Variants in HEATR6 observed in about 807,000 individuals in gnomAD.
HEATR6 encodes the protein HEAT repeat containing 6.
In HEATR6, 106 loss-of-function variants were observed where a neutral mutation model predicts 132.8. The ratio of observed to expected loss-of-function variants is 0.80; its 90% CI spans 0.68 to 0.94. HEATR6 has a LOEUF of 0.94. HEATR6 is among the 40% of genes least tolerant of loss of function. The pLI, the probability that HEATR6 is intolerant of heterozygous loss-of-function variation, is 0.00. For missense variants in HEATR6, 1,339 were observed against 1,425.1 expected, an observed-to-expected ratio of 0.94 and a Z score of 0.97; for synonymous variants, 529 against 537.8, an observed-to-expected ratio of 0.98 and a Z score of 0.23.
At chr17:60,047,582 T>C (rs1271236415) in intron 17 of HEATR6, among the ~76,000 whole-genome samples, 177 bp from the exon 18 acceptor site, 2 of 144,286 alleles carry the variant, frequency 1.4e-5, no homozygotes, top group African/African-American at 5.7e-5. Context: ...GTTCCCCACA[T>C]AGGAATGTCT....
rs1357990103 is a variant in HEATR6 at position 60,057,236 on chromosome 17, G to C, written c.1891C>G (p.Pro631Ala). The change falls in exon 12 of 20, where the codon CCT (proline) becomes GCT (alanine). Residue 631 changes from proline to alanine, a missense_variant. Transcript: ENST00000184956. ...GTTTCTTCCAGAGAGGGTCCTGCAGGGGCTTTCTTCCACCAATCAGGAGGG... is the reference window on the plus strand; with the variant it reads ...GTTTCTTCCAGAGAGGGTCCTGCAGCGGCTTTCTTCCACCAATCAGGAGGG... Reference protein sequence around the residue: ...LSPPDWWKKAPAGPSLEETSV... With the variant: ...LSPPDWWKKAAAGPSLEETSV... 1 of 1,614,168 alleles carries C rather than the reference G, an allele frequency of 6.2e-7. No individual in the cohort carries two copies. The highest frequency in any genetic ancestry group is 1.7e-5 in the Admixed American group (1 of 60,010).
chr17:60,058,653 C>G (rs1906832170), intron 11 of HEATR6, among the ~76,000 whole-genome samples: 1 of 152,126 alleles, frequency 6.6e-6, no homozygotes, highest in Non-Finnish European at 1.5e-5. Context: ...AGTTATAATT[C>G]TTGCTGTTAG....
chr17:60,067,551 C>G lies in HEATR6; in HGVS notation c.1121G>C (p.Ser374Thr). 1 of 1,613,770 alleles carries G rather than the reference C, an allele frequency of 6.2e-7. No homozygotes were observed. Among genetic ancestry groups the G allele is most frequent in the African/African-American group, 1.3e-5 (1 of 75,038 alleles). The change falls in exon 8 of 20, where the codon AGT (serine) becomes ACT (threonine). Residue 374 changes from serine to threonine, a missense_variant. Coordinates refer to ENST00000184956, the MANE Select transcript of HEATR6 (RefSeq NM_022070.5). ...GACTCCATCTTTTTCTGCAGCTCCA[C>G]TTCCATCTAAAGGCAAACTCTGGAC... ...LGVQSLPLDG[S>T]GAAEKDGVSS...
chr17:60,067,828 T>C, intron 7 of HEATR6, 96 bp from the exon 8 acceptor site: 1 of 950,688 alleles, frequency 1.1e-6, no homozygotes, highest in Non-Finnish European at 1.6e-6. Flanking sequence ...ACTAAATATG[T>C]CCCCAACATG....
intron 9 of HEATR6, among the ~76,000 whole-genome samples, 181 bp from the exon 10 acceptor site, chr17:60,060,277 CTTTAT>C (rs925947473): frequency 1.3e-5 from 2 of 151,672 alleles, no homozygotes; most frequent in African/African-American, 2.4e-5. Context: ...AAAAAAAAAT[CTTTAT>C]TTTATTTTTA....
At chr17:60,072,394 A>G in intron 4 of HEATR6, 65 bp from the exon 5 acceptor site, 1 of 821,300 alleles carries the variant, frequency 1.2e-6, no homozygotes, top group Non-Finnish European at 2.0e-6. Flanking sequence ...GCAAAAGACT[A>G]ATTAAAAATA....
chr17:60,066,468 T>G, intron 8 of HEATR6, 82 bp from the exon 9 acceptor site: 3 of 951,292 alleles, frequency 3.2e-6, no homozygotes. Flanking sequence ...TGGTATTTAT[T>G]TCCACCAATT....
chr17:60,044,200 G>A, intron 19 of HEATR6, 66 bp from the exon 20 acceptor site: 1 of 1,248,084 alleles, frequency 8.0e-7, no homozygotes, highest in Middle Eastern at 2.0e-4. Flanking sequence ...AGAGGGAGAG[G>A]GGTGGAAGGA....
intron 9 of HEATR6, among the ~76,000 whole-genome samples, chr17:60,061,623 G>A (rs1219873516): frequency 1.3e-5 from 2 of 152,202 alleles, no homozygotes; most frequent in East Asian, 1.9e-4. Context: ...ACGTGGTTGC[G>A]TTCCAAAAAG....
rs544049104 is a variant in HEATR6, at chr17:60,042,909, C to T, written c.*654G>A. ...GGCTGTGAGGCACCGTCAGCATCCT[C>T]GGTCCTGTGCGGCTGTGAGGCACCG... On this transcript the variant is annotated 3_prime_UTR_variant, in exon 20 of 20. Transcript: ENST00000184956. 1.8e-3 allele frequency: 139 copies of T among 76,382 alleles called. 3 individuals carry two copies. The highest frequency in any genetic ancestry group is 2.5e-3 in the South Asian group (8 of 3,188). 4.7% of individuals were successfully genotyped at this position (76,382 alleles called of 1,614,324 possible).
At chr17:60,047,509 C>G in intron 17 of HEATR6, 104 bp from the exon 18 acceptor site, 1 of 515,312 alleles carries the variant, frequency 1.9e-6, no homozygotes, top group Admixed American at 3.9e-5. Flanking sequence ...TTTAGGAAAA[C>G]AGTTTAACAA....
At chr17:60,069,410 T>C (rs1288116564) in intron 7 of HEATR6, among the ~76,000 whole-genome samples, 2 of 152,224 alleles carry the variant, frequency 1.3e-5, no homozygotes, top group African/African-American at 4.8e-5. Context: ...TAGAGAAAGT[T>C]TAGAGAACGT....
intron 5 of HEATR6, 116 bp from the exon 6 acceptor site, chr17:60,070,923 A>G: frequency 3.2e-6 from 2 of 634,712 alleles, no homozygotes; most frequent in Middle Eastern, 3.0e-4. Flanking sequence ...ATGAAAAAAA[A>G]CTTTATTATA....
Position 60,043,368 on chromosome 17 carries a change from C to T in HEATR6, c.*195G>A. 1.7e-6 allele frequency: 1 copy of T among 579,546 alleles called. No homozygotes were observed. Among genetic ancestry groups the T allele is most frequent in the Admixed American group, 3.2e-5 (1 of 31,728 alleles). The allele number at this position is 579,546 out of a possible 1,614,324, so 35.9% of individuals were successfully genotyped here. A position where few individuals can be genotyped will look rare whatever the true frequency, so the allele number is the denominator to read the frequency against. On this transcript the variant is annotated 3_prime_UTR_variant, in exon 20 of 20. Coordinates refer to ENST00000184956, the MANE Select transcript of HEATR6 (RefSeq NM_022070.5). Reference sequence around the variant, plus strand: ...GCACAGGTCAGATGTTCCAACAACCCTGACCATGGCCAGTGCTATGGAGTC... The same window carrying T: ...GCACAGGTCAGATGTTCCAACAACCTTGACCATGGCCAGTGCTATGGAGTC...
At chr17:60,045,413 C>A (rs1449561540) in intron 19 of HEATR6, among the ~76,000 whole-genome samples, 2 of 152,204 alleles carry the variant, frequency 1.3e-5, no homozygotes, top group Non-Finnish European at 2.9e-5. Flanking sequence ...GGTTTGGAGG[C>A]TCCGATCCAT....
intron 2 of HEATR6, among the ~76,000 whole-genome samples, chr17:60,074,439 G>A (rs1229683289): frequency 1.3e-5 from 2 of 152,206 alleles, no homozygotes; most frequent in African/African-American, 4.8e-5. Flanking sequence ...AAGGGTTATA[G>A]GTGCCACAGG....
At chr17:60,067,381 A>G (rs982776362) in intron 8 of HEATR6, 53 bp downstream of exon 8, 6 of 1,318,486 alleles carry the variant, frequency 4.6e-6, no homozygotes, top group Non-Finnish European at 6.1e-6. Context: ...TAAGTTATAA[A>G]CTTACATGCA....
chr17:60,069,817 T>C lies in HEATR6; in HGVS notation c.833A>G (p.Asn278Ser). 1.2e-6 allele frequency: 2 copies of C among 1,614,080 alleles called. No homozygotes were observed. ...GTATAACACCGTGGGCATCTCTATG[T>C]TTAGTCCAGGGAGTCCGTGAAACAT... ...KFMFHGLPGL[N>S]IEMPTVLYPT... Residue 278 changes from asparagine to serine, a missense_variant, in exon 7 of 20, where the codon AAC becomes AGC. Transcript: ENST00000184956.
intron 16 of HEATR6, among the ~76,000 whole-genome samples, chr17:60,049,007 TATA>T (rs1275819114): frequency 1.4e-5 from 2 of 140,290 alleles, no homozygotes; most frequent in Admixed American, 7.2e-5. Context: ...TATATATATA[TATA>T]TATATATATG....
Sources: allele counts gnomAD v4.1 joint callset (sites outside exome capture counted in the v4.1 genomes callset), GRCh38; gene constraint gnomAD v4.1.1; transcripts MANE v1.5; gene names NCBI Gene and HGNC (gene_info 2026-07-23, HGNC 2026-07-21).